C2: variants seen among roughly 807,000 people sequenced by gnomAD.
C2 encodes C3/C5 convertase.
C2 carries 64 observed loss-of-function variants against 85.2 expected under a neutral mutation model. That is an observed-to-expected ratio of 0.75 (90% CI 0.61 to 0.92). The LOEUF (loss-of-function observed/expected upper bound fraction) is 0.92. Ranked by LOEUF, C2 falls within the 40% of genes least tolerant of loss-of-function variation. C2 has a pLI of 0.00. For synonymous variants in C2, 311 were observed against 370.8 expected (o/e 0.84, Z 1.85); for missense variants, 820 against 971.6 (o/e 0.84, Z 2.07).
intron 3 of C2, 75 bp from the exon 4 acceptor site, chr6:31,933,535 C>T (rs1770099385): frequency 6.5e-7 from 1 of 1,533,954 alleles, no homozygotes; most frequent in Non-Finnish European, 8.9e-7. Context: ...CTTCTGCTGG[C>T]AACTGAGGCC....
rs142243595 is a variant in C2 at position 31,943,278 on chromosome 6, G to T, written c.1414G>T (p.Ala472Ser). 6.2e-7 allele frequency: 1 copy of T among 1,612,912 alleles called. No individual in the cohort carries two copies. Among genetic ancestry groups the T allele is most frequent in the Non-Finnish European group, 8.5e-7 (1 of 1,180,008 alleles). ...CGGGGTGGGGAACATGTCAGCAAACGCCTCTGACCAGGAGAGGACACCCTG... is the reference window on the plus strand; with the variant it reads ...CGGGGTGGGGAACATGTCAGCAAACTCCTCTGACCAGGAGAGGACACCCTG... ...ICGVGNMSAN[A>S]SDQERTPWHV... is the part of the protein sequence containing the mutation. Residue 472 changes from alanine to serine, a missense_variant, in exon 11 of 18, where the codon GCC becomes TCC. Ala to Ser is a moderately conservative substitution (Grantham distance 99). Transcript: ENST00000299367. The surrounding 1 kb of genome is among the most constrained non-coding windows in gnomAD (Gnocchi z 6.4).
chr6:31,933,323 C>T (rs1770081028), intron 3 of C2, among the ~76,000 whole-genome samples: 1 of 152,202 alleles, frequency 6.6e-6, no homozygotes, highest in Non-Finnish European at 1.5e-5. Flanking sequence ...GAGTGCCAGT[C>T]GCTCTGCATC....
At chr6:31,897,836 G>A (rs1228664700), upstream of C2, 1 of 1,043,416 alleles carries the variant, frequency 9.6e-7, no homozygotes, top group East Asian at 7.6e-5. Context: ...CCTAAGCTGG[G>A]AGCTGCAAGG....
Position 31,944,943 on chromosome 6 carries a change from C to T in C2, c.2030-37C>T, listed in dbSNP as rs376984495. On this transcript the variant is annotated intron_variant, in intron 16 of 17. Transcript: ENST00000299367. The surrounding 1 kb of genome is among the most constrained non-coding windows in gnomAD (Gnocchi z 5.1). ...CATGCCAGAACACCAGTCCACTGCC[C>T]TAGATGACACTGTCTCCTGTCACCC... 3.1e-5 allele frequency: 50 copies of T among 1,612,938 alleles called. No individual in the cohort carries two copies. The African/African-American group carries it at 6.3e-4, about 20-fold the overall frequency.
chr6:31,944,577 CGCCATGTTG>C lies in C2; in HGVS notation c.1903-145_1903-137del. The C allele has an allele frequency of 1.1e-6, 1 of 874,258 alleles. No homozygotes were observed. The highest frequency in any genetic ancestry group is 1.9e-6 in the Non-Finnish European group (1 of 520,656). The allele number at this position is 874,258 out of a possible 1,614,324, so 54.2% of individuals were successfully genotyped here. The stretch of plus-strand genomic sequence containing the variant: ...TGTATTTTTAGTAGAGACGGGATTT[CGCCATGTTG>C]GCCAGGATGGTCTTGAACTCCTGAC... On this transcript the variant is annotated intron_variant, in intron 15 of 17. Coordinates refer to ENST00000299367, the MANE Select transcript of C2 (RefSeq NM_000063.6). The surrounding 1 kb of genome is among the most constrained non-coding windows in gnomAD (Gnocchi z 5.1).
chr6:31,927,494 A>C, upstream of C2: 7 of 1,428,470 alleles, frequency 4.9e-6, no homozygotes, highest in Non-Finnish European at 6.4e-6. This position sits in a 1 kb window ranked among gnomAD's most constrained non-coding sequence, Gnocchi z 4.7. Context: ...GGGGCAGTAC[A>C]CAAAGCCTGT....
At chr6:31,931,980 C>G (rs1437116578) in intron 3 of C2, among the ~76,000 whole-genome samples, 1 of 133,430 alleles carries the variant, frequency 7.5e-6, no homozygotes, top group East Asian at 2.6e-4. Context: ...GGCGGCTGGC[C>G]GGGCGGGGGG....
upstream of C2, among the ~76,000 whole-genome samples, chr6:31,917,164 C>G (rs1768593545): frequency 7.0e-6 from 1 of 141,920 alleles, no homozygotes; most frequent in Non-Finnish European, 1.5e-5. Context: ...GAGTGAGACT[C>G]TGTCTCAGAA....
rs1252823381 is a variant in C2, at chr6:31,928,030, G to A, written c.122G>A (p.Trp41Ter). ...SGGTFTLSHG[W>*]APGSLLTYSC... ...GGCACCTTCACCCTCAGCCATGGCT[G>A]GGCTCCTGGGAGCCTTCTCACCTAC... Residue 41 changes from tryptophan to a stop codon, truncating the protein, a stop_gained, in exon 2 of 18, where the codon TGG (tryptophan) becomes TAG (stop). Coordinates refer to ENST00000299367, the MANE Select transcript of C2 (RefSeq NM_000063.6). LOFTEE classifies it high-confidence loss of function. The A allele has an allele frequency of 6.2e-7, 1 of 1,614,110 alleles. No homozygotes were observed. The highest frequency in any genetic ancestry group is 1.1e-5 in the South Asian group (1 of 91,082).
In C2 at chr6:31,922,410, A is replaced by G. The variant is rs953180128; in HGVS notation, c.-100+2384A>G. On this transcript the variant is annotated intron_variant, in intron 1 of 3. Transcript: ENST00000413154. This position sits in a 1 kb window ranked among gnomAD's most constrained non-coding sequence, Gnocchi z 4.8. ...CAAGTGGCCAGACTGGATAAGGAGT[A>G]GACTGGCCACTAGAGTGGGGTCGGC... Among the ~76,000 whole-genome samples, 1 of 152,180 alleles carries G rather than the reference A, an allele frequency of 6.6e-6. No homozygotes were observed. The highest frequency in any genetic ancestry group is 2.4e-5 in the African/African-American group (1 of 41,438).
chr6:31,939,020 A>C (rs1770666046), intron 8 of C2, among the ~76,000 whole-genome samples: 1 of 152,158 alleles, frequency 6.6e-6, no homozygotes. Context: ...GCTGGTCTGG[A>C]ACTCCTGAGC....
rs755202596 is a variant in C2, at chr6:31,936,057, T to G, written c.984T>G (p.Tyr328Ter). 6 of 1,612,926 alleles carry G rather than the reference T, an allele frequency of 3.7e-6. No homozygotes were observed. In the South Asian group the frequency reaches 6.6e-5, roughly 18 times the overall value. ...TCAGCAGCCTGGAAAATGCCAACTATAAAGGTACGGGTGTCATCACGTGAT... is the reference window on the plus strand; with the variant it reads ...TCAGCAGCCTGGAAAATGCCAACTAGAAAGGTACGGGTGTCATCACGTGAT... ...EVISSLENANYKDHENGTGTN... is the reference protein window; with the variant it reads ...EVISSLENAN Residue 328 changes from tyrosine to a stop codon, truncating the protein, a stop_gained, in exon 7 of 18, where the codon TAT becomes TAG. Coordinates refer to ENST00000299367, the MANE Select transcript of C2 (RefSeq NM_000063.6). LOFTEE classifies it high-confidence loss of function.
intron 7 of C2, 90 bp downstream of exon 7, chr6:31,936,151 A>C: frequency 7.0e-7 from 1 of 1,432,824 alleles, no homozygotes; most frequent in Non-Finnish European, 9.6e-7. Context: ...TTAAAAAGAG[A>C]GTGAGGCCTC....
exon 1 of C2, chr6:31,901,045 G>A (rs778051360): frequency 6.2e-7 from 1 of 1,614,236 alleles, no homozygotes; most frequent in Non-Finnish European, 8.5e-7. Context: ...CCGTGTAGCA[G>A]GAGAGGAGCA....
At chr6:31,923,485 T>G (rs1257069349), upstream of C2, among the ~76,000 whole-genome samples, 1 of 152,132 alleles carries the variant, frequency 6.6e-6, no homozygotes, top group Non-Finnish European at 1.5e-5. Context: ...TTATTTTGTT[T>G]TTATTTTTTT....
chr6:31,916,750 CTTTTT>C (rs67751925), upstream of C2, among the ~76,000 whole-genome samples: 2 of 110,960 alleles, frequency 1.8e-5, no homozygotes, highest in Non-Finnish European at 3.6e-5. Context: ...GTTCTCTGCC[CTTTTT>C]TTTTTTTTTT....
chr6:31,928,617 T>C, intron 2 of C2, 115 bp from the exon 3 acceptor site: 1 of 1,033,052 alleles, frequency 9.7e-7, no homozygotes, highest in East Asian at 2.5e-5. Flanking sequence ...ATTTCAGTGT[T>C]TTGACAGCCA....
intron 8 of C2, among the ~76,000 whole-genome samples, 189 bp from the exon 9 acceptor site, chr6:31,939,042 G>A (rs1253370768): frequency 2.6e-5 from 4 of 152,036 alleles, no homozygotes; most frequent in Non-Finnish European, 5.9e-5. Context: ...CAGGCAATCC[G>A]CCTTCTTCGG....
chr6:31,945,147 G>GTTGGGGCTGTGGCAT lies in C2; in HGVS notation c.2080-31_2080-30insTTGGGGCTGTGGCAT. 6.2e-7 allele frequency: 1 copy of GTTGGGGCTGTGGCAT among 1,611,256 alleles called. No individual in the cohort carries two copies. Among genetic ancestry groups the GTTGGGGCTGTGGCAT allele is most frequent in the Middle Eastern group, 1.7e-4 (1 of 6,050 alleles). On this transcript the variant is annotated intron_variant, in intron 17 of 17. Transcript: ENST00000299367. The surrounding 1 kb of genome is among the most constrained non-coding windows in gnomAD (Gnocchi z 5.3). ...GGGGCTTACAGTTGGGGCTGTGGCAGCCTCCCAGCCAGTTCTCTCCTTTTC... is the reference window on the plus strand; with the variant it reads ...GGGGCTTACAGTTGGGGCTGTGGCAGTTGGGGCTGTGGCATCCTCCCAGCCAGTTCTCTCCTTTTC...
Sources: gnomAD v4.1 joint callset for allele counts (sites outside exome capture counted in the v4.1 genomes callset) on GRCh38, gnomAD v4.1.1 for gene constraint, Gnocchi (gnomAD v3.1) non-coding constraint, MANE v1.5 for transcripts, NCBI Gene and HGNC (gene_info 2026-07-23, HGNC 2026-07-21) for gene names.